MGMT: variants seen among roughly 807,000 people sequenced by gnomAD.
MGMT encodes the protein O-6-methylguanine-DNA methyltransferase.
In MGMT, 14 loss-of-function variants were observed where a neutral mutation model predicts 15.9. The ratio of observed to expected loss-of-function variants is 0.88; its 90% CI spans 0.58 to 1.37. The LOEUF (loss-of-function observed/expected upper bound fraction) is 1.37, where lower values mean the gene tolerates loss of function less well. Ranked by LOEUF, MGMT falls within the 40% of genes most tolerant of loss-of-function variation. The pLI, the probability that MGMT is intolerant of heterozygous loss-of-function variation, is 0.00. For missense variants in MGMT, 282 were observed against 268.1 expected, an observed-to-expected ratio of 1.05 and a Z score of -0.36; for synonymous variants, 130 against 118.2, an observed-to-expected ratio of 1.10 and a Z score of -0.65.
At chr10:129,531,017 T>A (rs1845925534) in intron 1 of MGMT, among the ~76,000 whole-genome samples, 1 of 152,258 alleles carries the variant, frequency 6.6e-6, no homozygotes, top group Admixed American at 6.5e-5. Flanking sequence ...GCTTGCCTGC[T>A]GGCTCTGGGC....
intron 3 of MGMT, among the ~76,000 whole-genome samples, chr10:129,728,769 G>A (rs905186881): frequency 1.3e-5 from 2 of 150,434 alleles, no homozygotes; most frequent in African/African-American, 2.5e-5. Flanking sequence ...CCCTGGTATT[G>A]GTTCGTCTGC....
chr10:129,603,757 A>G (rs546287273), intron 2 of MGMT, among the ~76,000 whole-genome samples: 1 of 152,384 alleles, frequency 6.6e-6, no homozygotes, highest in African/African-American at 2.4e-5. Flanking sequence ...CACAAAAAAT[A>G]CCAGCACTTA....
chr10:129,616,423 G>A (rs1390074158), intron 2 of MGMT, among the ~76,000 whole-genome samples: 2 of 152,150 alleles, frequency 1.3e-5, no homozygotes, highest in Non-Finnish European at 2.9e-5. Context: ...GGGCATAGAA[G>A]CTGTGCCCTG....
At chr10:129,610,678 T>C (rs1310325062) in intron 2 of MGMT, among the ~76,000 whole-genome samples, 1 of 152,270 alleles carries the variant, frequency 6.6e-6, no homozygotes, top group Non-Finnish European at 1.5e-5. Flanking sequence ...TGATTTCTTA[T>C]GGCTGTTTTC....
intron 1 of MGMT, among the ~76,000 whole-genome samples, chr10:129,534,402 G>C (rs966203321): frequency 3.3e-5 from 5 of 152,094 alleles, no homozygotes; most frequent in African/African-American, 1.2e-4. Context: ...TGATCGAATG[G>C]GATCCGGTTC....
intron 1 of MGMT, among the ~76,000 whole-genome samples, chr10:129,469,587 GGCCCTGT>G (rs1451220738): frequency 2.8e-4 from 42 of 152,152 alleles, no homozygotes; most frequent in Non-Finnish European, 1.0e-4. Context: ...GACCCTGCAG[GGCCCTGT>G]GCTCATTCGG....
chr10:129,684,734 C>T (rs1847887283), intron 2 of MGMT, among the ~76,000 whole-genome samples: 1 of 152,202 alleles, frequency 6.6e-6, no homozygotes, highest in Admixed American at 6.5e-5. Context: ...TTTTGTTATG[C>T]TCCAAAGCCC....
intron 2 of MGMT, among the ~76,000 whole-genome samples, chr10:129,669,329 C>T (rs142405162): frequency 0.013 from 2,015 of 152,212 alleles, 20 homozygotes; most frequent in Middle Eastern, 0.024. Context: ...CTGTGCCCAC[C>T]TCTAATTTCC....
rs577461305 is a variant in MGMT, at chr10:129,768,629, T to C, written c.*1632T>C. Among the ~76,000 whole-genome samples, 3 of 152,364 alleles carry C rather than the reference T, an allele frequency of 2.0e-5. No homozygotes were observed. The highest frequency in any genetic ancestry group is 4.1e-4 in the South Asian group (2 of 4,832). ...ACCAGGCACGGCTTTCCCCTCTGCA[T>C]GAACAGAACAGAAGCTTCTGGCTCT... is the stretch of plus-strand genomic sequence containing the variant. On this transcript the variant is annotated 3_prime_UTR_variant, in exon 5 of 5. Transcript: ENST00000651593.
At chr10:129,536,450 T>C in intron 2 of MGMT, 73 bp downstream of exon 2, 1 of 1,535,674 alleles carries the variant, frequency 6.5e-7, no homozygotes, top group East Asian at 2.3e-5. Flanking sequence ...GATAACGGCA[T>C]GTTTTCCATT....
chr10:129,549,843 T>G (rs139781753), intron 2 of MGMT, among the ~76,000 whole-genome samples: 2 of 152,330 alleles, frequency 1.3e-5, no homozygotes, highest in East Asian at 3.9e-4. Context: ...ATTGACAAAA[T>G]GAAAATATGT....
At chr10:129,581,054 C>T (rs1006312723) in intron 2 of MGMT, among the ~76,000 whole-genome samples, 4 of 152,180 alleles carry the variant, frequency 2.6e-5, no homozygotes, top group African/African-American at 9.7e-5. Context: ...ACATGACACT[C>T]TGTGAGGAAA....
At position 129,676,552 on chromosome 10, in the gene MGMT, G is replaced by A. The variant is rs192881965; in HGVS notation, c.126-31343G>A. Among the ~76,000 whole-genome samples, 54 of 152,290 alleles carry A rather than the reference G, an allele frequency of 3.5e-4. 1 individual carries two copies. The highest frequency in any genetic ancestry group is 3.4e-3 in the Middle Eastern group (1 of 294). ...CAAGACGACGTGTTTGCAGGGGTTG[G>A]GCCACACCAGGCTCTGCACGTGACA... is the stretch of plus-strand genomic sequence containing the variant. On this transcript the variant is annotated intron_variant, in intron 2 of 4. Transcript: ENST00000651593.
intron 2 of MGMT, among the ~76,000 whole-genome samples, chr10:129,575,665 A>G (rs10764891): frequency 0.58 from 80,060 of 139,126 alleles, 22,684 homozygotes; most frequent in African/African-American, 0.63. Context: ...GCTAGCAGAA[A>G]GCAAGAAATA....
chr10:129,742,545 T>C (rs1157203742), intron 3 of MGMT, among the ~76,000 whole-genome samples: 1 of 137,512 alleles, frequency 7.3e-6, no homozygotes, highest in Admixed American at 7.3e-5. Context: ...GCCCCACGGC[T>C]GCAGCGGCCC....
intron 2 of MGMT, among the ~76,000 whole-genome samples, chr10:129,581,946 C>T (rs1427763577): frequency 6.6e-6 from 1 of 152,228 alleles, no homozygotes; most frequent in East Asian, 1.9e-4. Context: ...TTTCTGCTGC[C>T]TGGCCGGCGT....
rs1487536499 is a variant in MGMT, at chr10:129,759,295, A to G, written c.368A>G (p.Asn123Ser). 1 of 1,614,164 alleles carries G rather than the reference A, an allele frequency of 6.2e-7. No individual in the cohort carries two copies. The highest frequency in any genetic ancestry group is 1.3e-5 in the African/African-American group (1 of 75,050). The change falls in exon 4 of 5, where the codon AAC becomes AGC. Residue 123 changes from asparagine (N) to serine (S), a missense_variant. Transcript: ENST00000651593. ...SYQQLAALAGNPKAARAVGGA... is the reference protein window; with the variant it reads ...SYQQLAALAGSPKAARAVGGA... ...CAGCAATTAGCAGCCCTGGCAGGCA[A>G]CCCCAAAGCCGCGCGAGCAGTGGGA...
chr10:129,597,151 T>C (rs548443548), intron 2 of MGMT, among the ~76,000 whole-genome samples: 1 of 152,276 alleles, frequency 6.6e-6, no homozygotes, highest in Admixed American at 6.5e-5. Flanking sequence ...GTACGTCCAG[T>C]GTTGGATGTC....
chr10:129,649,158 C>A (rs1847429390), intron 2 of MGMT, among the ~76,000 whole-genome samples: 1 of 152,144 alleles, frequency 6.6e-6, no homozygotes, highest in African/African-American at 2.4e-5. Flanking sequence ...TCATTCCAGT[C>A]ATTTTAGTCA....
Sources: allele counts gnomAD v4.1 joint callset (sites outside exome capture counted in the v4.1 genomes callset), GRCh38; gene constraint gnomAD v4.1.1; transcripts MANE v1.5; gene names NCBI Gene and HGNC (gene_info 2026-07-23, HGNC 2026-07-21).